Variants in CDH12 observed in about 807,000 individuals in gnomAD.
CDH12 encodes the protein cadherin-12.
In CDH12, 41 loss-of-function variants were observed where a neutral mutation model predicts 74.1. That is an observed-to-expected ratio of 0.55 (90% confidence interval 0.43 to 0.72). The LOEUF is 0.72. Among genes scored for constraint, CDH12 ranks in the 30% least tolerant of loss-of-function variants. CDH12 has a pLI of 0.00. For synonymous variants in CDH12, 399 were observed against 355.0 expected (o/e 1.12, Z -1.39); for missense variants, 945 against 977.2 (o/e 0.97, Z 0.44).
intron 3 of CDH12, among the ~76,000 whole-genome samples, chr5:22,291,307 G>T (rs538724448): frequency 6.6e-6 from 1 of 152,046 alleles, no homozygotes; most frequent in Non-Finnish European, 1.5e-5. Flanking sequence ...AAAATGAAAA[G>T]AATGCCAACT....
intron 4 of CDH12, among the ~76,000 whole-genome samples, chr5:22,159,545 T>G (rs2150317604): frequency 6.6e-6 from 1 of 152,302 alleles, no homozygotes; most frequent in East Asian, 1.9e-4. Flanking sequence ...CAGCTCTCTG[T>G]TTGACTTAAT....
rs1753430155 is a variant in CDH12 at position 21,902,349 on chromosome 5, TCTCA to T, written c.527-47563_527-47560del. ...CCCTCGCTATTTCTCTTTCTCTCTGTCTCACTCACTGTCTCTCTTTCAGATCTTT... is the reference window on the plus strand; with the variant it reads ...CCCTCGCTATTTCTCTTTCTCTCTGTCTCACTGTCTCTCTTTCAGATCTTT... On this transcript the variant is annotated intron_variant, in intron 6 of 14. Coordinates refer to ENST00000382254, the MANE Select transcript of CDH12 (RefSeq NM_004061.5). Among the ~76,000 whole-genome samples the T allele has an allele frequency of 3.3e-5, 5 of 152,034 alleles. No individual in the cohort carries two copies. In the South Asian group the frequency reaches 6.2e-4, roughly 19 times the overall value.
At chr5:21,959,752 CAAAAAAAA>C (rs1176227757) in intron 6 of CDH12, among the ~76,000 whole-genome samples, 4,663 of 80,776 alleles carry the variant, frequency 0.058, 145 homozygotes, top group Non-Finnish European at 0.083. Flanking sequence ...TACTAAAATC[CAAAAAAAA>C]AAAAAAAAAA....
chr5:22,013,538 T>A (rs1341094435), intron 5 of CDH12, among the ~76,000 whole-genome samples: 1 of 152,202 alleles, frequency 6.6e-6, no homozygotes, highest in African/African-American at 2.4e-5. Flanking sequence ...GGAATGTAGA[T>A]TTCTCTAAAT....
At chr5:22,582,706 A>C (rs535333825) in intron 1 of CDH12, among the ~76,000 whole-genome samples, 1 of 152,302 alleles carries the variant, frequency 6.6e-6, no homozygotes, top group South Asian at 2.1e-4. Flanking sequence ...TTGTAAGTAT[A>C]ATTACTATGT....
chr5:21,816,926 C>T lies in CDH12; in HGVS notation c.1002+19G>A. 6 of 1,466,080 alleles carry T rather than the reference C, an allele frequency of 4.1e-6. No homozygotes were observed. Among genetic ancestry groups the T allele is most frequent in the Middle Eastern group, 1.8e-4 (1 of 5,542 alleles). 90.8% of individuals were successfully genotyped at this position (1,466,080 alleles called of 1,614,324 possible). On this transcript the variant is annotated intron_variant, in intron 9 of 14. Coordinates refer to ENST00000382254, the MANE Select transcript of CDH12 (RefSeq NM_004061.5). ...AATTATTATTTAGTAGTCAACTGTC[C>T]CAACATTTGTCTATATACCTTTTTC...
intron 3 of CDH12, among the ~76,000 whole-genome samples, chr5:22,317,724 C>A (rs1738691642): frequency 6.6e-6 from 1 of 152,098 alleles, no homozygotes; most frequent in East Asian, 1.9e-4. Context: ...ATACTTCTTG[C>A]TCATGTCATA....
At chr5:22,473,790 G>A (rs1180185887) in intron 2 of CDH12, among the ~76,000 whole-genome samples, 1 of 152,060 alleles carries the variant, frequency 6.6e-6, no homozygotes, top group Non-Finnish European at 1.5e-5. Flanking sequence ...CTGATATAGT[G>A]TAAATTGATA....
chr5:21,763,070 G>A (rs749115330), intron 12 of CDH12, among the ~76,000 whole-genome samples: 5 of 152,178 alleles, frequency 3.3e-5, no homozygotes, highest in Non-Finnish European at 7.4e-5. Flanking sequence ...ATAAATCGTG[G>A]ATGCACTTAA....
chr5:21,759,811 T>G (rs1744614233), intron 13 of CDH12, among the ~76,000 whole-genome samples: 1 of 152,024 alleles, frequency 6.6e-6, no homozygotes, highest in Non-Finnish European at 1.5e-5. Context: ...CCAATAGTTA[T>G]CTTTTCTGCT....
At chr5:22,691,020 A>G (rs1347282099) in intron 1 of CDH12, among the ~76,000 whole-genome samples, 1 of 152,150 alleles carries the variant, frequency 6.6e-6, no homozygotes, top group Non-Finnish European at 1.5e-5. Context: ...TAGATATGAT[A>G]TTTTGTTAAA....
intron 1 of CDH12, among the ~76,000 whole-genome samples, chr5:22,796,146 A>G (rs1287630988): frequency 2.0e-5 from 3 of 152,192 alleles, no homozygotes; most frequent in Non-Finnish European, 4.4e-5. Flanking sequence ...AGGTGTTGCA[A>G]TAATATACAA....
rs1352859311 is a variant in CDH12 at position 22,776,406 on chromosome 5, G to T, written c.-523+76652C>A. ...ATGATCCCTGTCCGTCCTTGAGGGA[G>T]CTCACAGACTTTGTGCGTGTGTGTA... is the stretch of plus-strand genomic sequence containing the variant. On this transcript the variant is annotated intron_variant, in intron 1 of 14. Transcript: ENST00000382254. 2.0e-5 allele frequency among the ~76,000 whole-genome samples: 3 copies of T among 152,224 alleles called. No individual in the cohort carries two copies. In the East Asian group the frequency reaches 5.8e-4, roughly 29 times the overall value.
intron 1 of CDH12, among the ~76,000 whole-genome samples, chr5:22,684,195 T>C (rs900555954): frequency 6.6e-6 from 1 of 152,188 alleles, no homozygotes; most frequent in Non-Finnish European, 1.5e-5. Flanking sequence ...ATAGTAGGTG[T>C]ATAAATTTAT....
intron 1 of CDH12, among the ~76,000 whole-genome samples, chr5:22,780,831 G>C (rs1747352399): frequency 6.6e-6 from 1 of 152,004 alleles, no homozygotes. Flanking sequence ...TTTTATAAAA[G>C]AACTTTTCCA....
intron 1 of CDH12, among the ~76,000 whole-genome samples, chr5:22,653,740 A>T (rs1739862811): frequency 6.6e-6 from 1 of 152,208 alleles, no homozygotes; most frequent in African/African-American, 2.4e-5. Context: ...ATAGCTTCCC[A>T]TAACATCCTC....
At chr5:22,654,067 G>C (rs1457452031) in intron 1 of CDH12, among the ~76,000 whole-genome samples, 1 of 100,006 alleles carries the variant, frequency 1.0e-5, no homozygotes, top group Admixed American at 1.3e-4. Context: ...TGTCCTTCCC[G>C]TTCCTTCTCC....
At chr5:22,048,208 A>G (rs1020926381) in intron 5 of CDH12, among the ~76,000 whole-genome samples, 1 of 152,190 alleles carries the variant, frequency 6.6e-6, no homozygotes, top group Non-Finnish European at 1.5e-5. Flanking sequence ...GGAATAAACT[A>G]ACTCTATCTA....
At chr5:22,831,257 A>G (rs2126499932) in intron 1 of CDH12, among the ~76,000 whole-genome samples, 1 of 152,256 alleles carries the variant, frequency 6.6e-6, no homozygotes, top group Non-Finnish European at 1.5e-5. Flanking sequence ...GATTGAGTAG[A>G]ATATTCAAAT....
Sources: allele counts gnomAD v4.1 joint callset (sites outside exome capture counted in the v4.1 genomes callset), GRCh38; gene constraint gnomAD v4.1.1; transcripts MANE v1.5; gene names NCBI Gene and HGNC (gene_info 2026-07-23, HGNC 2026-07-21).